PIK3C3: variants seen among roughly 807,000 people sequenced by gnomAD.
PIK3C3 encodes the protein PI3-kinase type 3.
Under a neutral mutation model 126.1 loss-of-function variants are expected in PIK3C3, and 95 were observed. The ratio of observed to expected loss-of-function variants is 0.75; its 90% CI spans 0.64 to 0.89. PIK3C3 has a LOEUF of 0.89. Ranked by LOEUF, PIK3C3 falls within the 40% of genes least tolerant of loss-of-function variation. PIK3C3 has a pLI of 0.00. For synonymous variants in PIK3C3, 374 were observed against 360.0 expected (o/e 1.04, Z -0.44); for missense variants, 829 against 1,063.2 (o/e 0.78, Z 3.06).
chr18:42,071,378 G>A (rs990693114), intron 24 of PIK3C3, among the ~76,000 whole-genome samples: 1 of 152,128 alleles, frequency 6.6e-6, no homozygotes, highest in African/African-American at 2.4e-5. Flanking sequence ...ATACAAGTAT[G>A]TTTTAGTGTT....
chr18:41,959,704 G>T (rs1219274697), intron 2 of PIK3C3, among the ~76,000 whole-genome samples: 1 of 152,100 alleles, frequency 6.6e-6, no homozygotes, highest in Admixed American at 6.5e-5. Context: ...TAAGGCAGGA[G>T]AATCGCCGGA....
chr18:42,067,623 AT>A, intron 24 of PIK3C3, 110 bp downstream of exon 24: 1 of 1,255,098 alleles, frequency 8.0e-7, no homozygotes, highest in South Asian at 1.5e-5. Context: ...CTGTTTTTCT[AT>A]CAAGTCGTTT....
In PIK3C3 at chr18:41,995,935, A is replaced by G. The variant is rs1982002888; in HGVS notation, c.832A>G (p.Arg278Gly). The change falls in exon 8 of 25, where the codon AGA becomes GGA. Residue 278 changes from arginine to glycine, a missense_variant. This residue lies in a region of PIK3C3 where 313 missense variants were observed against 340.7 expected (regional missense o/e 0.92). Coordinates refer to ENST00000262039, the MANE Select transcript of PIK3C3 (RefSeq NM_002647.4). ...ACACCACAAGCTTGCCCGGAGTTTA[A>G]GAAGTGGACCTTCTGACCACGATCT... ...SKHHKLARSL[R>G]SGPSDHDLKP... 6.2e-7 allele frequency: 1 copy of G among 1,613,198 alleles called. No homozygotes were observed. Among genetic ancestry groups the G allele is most frequent in the African/African-American group, 1.3e-5 (1 of 74,888 alleles).
intron 3 of PIK3C3, among the ~76,000 whole-genome samples, chr18:41,967,897 A>C (rs1980452550): frequency 6.6e-6 from 1 of 152,176 alleles, no homozygotes; most frequent in South Asian, 2.1e-4. Context: ...CCTCTGCTGG[A>C]GTCAGAAGGA....
Position 42,081,738 on chromosome 18 carries a change from C to G in PIK3C3, c.*601C>G, listed in dbSNP as rs1342857162. 1 of 152,154 alleles carries G rather than the reference C, an allele frequency of 6.6e-6. No individual in the cohort carries two copies. The highest frequency in any genetic ancestry group is 2.4e-5 in the African/African-American group (1 of 41,430). The allele number at this position is 152,154 out of a possible 1,614,324, so 9.4% of individuals were successfully genotyped here. ...TTTAGAAGATACTCATTTTCTCTTA[C>G]AAATAATTAATTTTTTGTAAACTAC... On this transcript the variant is annotated 3_prime_UTR_variant, in exon 25 of 25. Coordinates refer to ENST00000262039, the MANE Select transcript of PIK3C3 (RefSeq NM_002647.4).
chr18:42,035,101 T>G (rs1405417291), intron 16 of PIK3C3, among the ~76,000 whole-genome samples: 1 of 152,308 alleles, frequency 6.6e-6, no homozygotes, highest in Admixed American at 6.5e-5. Flanking sequence ...AACCTGCAAG[T>G]TAAAAATACT....
chr18:42,036,178 G>T (rs2144459084), intron 16 of PIK3C3, among the ~76,000 whole-genome samples: 1 of 152,216 alleles, frequency 6.6e-6, no homozygotes, highest in East Asian at 1.9e-4. Context: ...ACTAGAGTTT[G>T]TAAGTTTTAA....
chr18:41,957,767 T>C lies in PIK3C3; in HGVS notation c.257+9T>C, dbSNP rs1979862697. On this transcript the variant is annotated intron_variant, in intron 2 of 24. Coordinates refer to ENST00000262039, the MANE Select transcript of PIK3C3 (RefSeq NM_002647.4). ...TTTAGTACAAGATGGAAGTAAGTTT[T>C]TTTGTGGCATATGGTATGTTACAGA... 3.1e-6 allele frequency: 5 copies of C among 1,603,350 alleles called. No homozygotes were observed. In the African/African-American group the frequency reaches 6.7e-5, roughly 22 times the overall value.
At chr18:42,010,259 A>G (rs1982760358) in intron 10 of PIK3C3, among the ~76,000 whole-genome samples, 1 of 152,178 alleles carries the variant, frequency 6.6e-6, no homozygotes, top group South Asian at 2.1e-4. Flanking sequence ...TCATCTGTTC[A>G]AGTTTTAGCA....
chr18:41,968,644 C>CA (rs1980493402), intron 3 of PIK3C3, among the ~76,000 whole-genome samples: 1 of 152,030 alleles, frequency 6.6e-6, no homozygotes, highest in African/African-American at 2.4e-5. Flanking sequence ...TTATAGTTCC[C>CA]AATCTAAATG....
chr18:42,019,194 T>G, intron 12 of PIK3C3, among the ~76,000 whole-genome samples: 1 of 152,280 alleles, frequency 6.6e-6, no homozygotes, highest in Admixed American at 6.5e-5. Context: ...TCTTCAAAGA[T>G]GTGTTATTTT....
In PIK3C3 at chr18:42,087,263, C is replaced by G. The variant is rs989224849; in HGVS notation, c.*6126C>G. On this transcript the variant is annotated 3_prime_UTR_variant, in exon 25 of 25. Transcript: ENST00000262039. ...TAAGGCATGGCCCATGATGTGTCTCCGAGTGGAAAAGACTGGTTGGTGGTG... is the reference window on the plus strand; with the variant it reads ...TAAGGCATGGCCCATGATGTGTCTCGGAGTGGAAAAGACTGGTTGGTGGTG... The G allele has an allele frequency of 6.6e-6, 1 of 152,290 alleles. No individual in the cohort carries two copies. The highest frequency in any genetic ancestry group is 2.4e-5 in the African/African-American group (1 of 41,552). 9.4% of individuals were successfully genotyped at this position (152,290 alleles called of 1,614,324 possible).
chr18:42,021,443 T>TA (rs1347686139), intron 13 of PIK3C3, among the ~76,000 whole-genome samples: 9 of 150,844 alleles, frequency 6.0e-5, no homozygotes, highest in Non-Finnish European at 1.2e-4. Flanking sequence ...TTTGCTTCAA[T>TA]AAAAAAAAAG....
intron 16 of PIK3C3, among the ~76,000 whole-genome samples, chr18:42,035,158 G>A (rs1397514804): frequency 6.6e-6 from 1 of 152,052 alleles, no homozygotes; most frequent in Non-Finnish European, 1.5e-5. Context: ...GAGATACAGT[G>A]CAATTTTTTT....
chr18:42,062,324 C>A (rs61107251), intron 22 of PIK3C3, among the ~76,000 whole-genome samples: 33,842 of 151,304 alleles, frequency 0.22, 4,328 homozygotes, highest in South Asian at 0.4. Flanking sequence ...TGGATCATCT[C>A]TATTTCCATA....
At chr18:42,041,945 A>G (rs1026995335) in intron 19 of PIK3C3, among the ~76,000 whole-genome samples, 4 of 152,250 alleles carry the variant, frequency 2.6e-5, no homozygotes, top group Admixed American at 6.5e-5. Context: ...TTAACATAGT[A>G]GCCCTAAGGT....
chr18:41,971,860 A>G (rs1401219007), intron 4 of PIK3C3, among the ~76,000 whole-genome samples: 1 of 152,102 alleles, frequency 6.6e-6, no homozygotes, highest in African/African-American at 2.4e-5. Flanking sequence ...GGGAATGGCC[A>G]GAGTCAAGAA....
rs780921345 is a variant in PIK3C3 at position 42,020,611 on chromosome 18, A to G, written c.1417-27A>G. The G allele has an allele frequency of 3.4e-6, 5 of 1,485,684 alleles. No individual in the cohort carries two copies. The East Asian group carries it at 6.8e-5, about 20-fold the overall frequency. The allele number at this position is 1,485,684 out of a possible 1,614,324, so 92.0% of individuals were successfully genotyped here. On this transcript the variant is annotated intron_variant, in intron 12 of 24. Coordinates refer to ENST00000262039, the MANE Select transcript of PIK3C3 (RefSeq NM_002647.4). ...CCCCATTACTAGTAGATGATAATATATAATACATTTCTTTTAATTCTTTCA... is the reference window on the plus strand; with the variant it reads ...CCCCATTACTAGTAGATGATAATATGTAATACATTTCTTTTAATTCTTTCA...
At chr18:42,031,036 T>C (rs758952758) in intron 15 of PIK3C3, among the ~76,000 whole-genome samples, 1 of 152,226 alleles carries the variant, frequency 6.6e-6, no homozygotes, top group Non-Finnish European at 1.5e-5. Flanking sequence ...TAAAAATCTT[T>C]ATAGGCATTT....
Sources: allele counts gnomAD v4.1 joint callset (sites outside exome capture counted in the v4.1 genomes callset), GRCh38; gene constraint gnomAD v4.1.1; regional missense constraint gnomAD v4.1.1; transcripts MANE v1.5; gene names NCBI Gene and HGNC (gene_info 2026-07-23, HGNC 2026-07-21).